Variants in PDE11A observed in about 807,000 individuals in gnomAD.
PDE11A encodes dual 3',5'-cyclic-AMP and -GMP phosphodiesterase 11A.
Under a neutral mutation model 100.5 loss-of-function variants are expected in PDE11A, and 100 were observed. The ratio of observed to expected loss-of-function variants is 1.00; its 90% CI spans 0.85 to 1.18. The LOEUF (loss-of-function observed/expected upper bound fraction) is 1.18. Ranked by LOEUF, PDE11A falls within the 50% of genes most tolerant of loss-of-function variation. The pLI is 0.00. For synonymous variants in PDE11A, 381 were observed against 420.8 expected, an observed-to-expected ratio of 0.91 and a Z score of 1.16; for missense variants, 1,141 against 1,152.6, an observed-to-expected ratio of 0.99 and a Z score of 0.15.
intron 13 of PDE11A, among the ~76,000 whole-genome samples, chr2:177,704,575 A>G (rs888111551): frequency 1.3e-4 from 20 of 152,270 alleles, no homozygotes; most frequent in African/African-American, 3.4e-4. Context: ...TAAGTGGCAA[A>G]AAAAATAAAT....
chr2:177,841,416 T>C (rs753044146), intron 5 of PDE11A, among the ~76,000 whole-genome samples: 3 of 152,238 alleles, frequency 2.0e-5, no homozygotes, highest in Non-Finnish European at 4.4e-5. Context: ...TTTCATGAGA[T>C]GTTAAATGAG....
At chr2:177,782,550 T>C (rs1282609463) in intron 9 of PDE11A, among the ~76,000 whole-genome samples, 1 of 152,212 alleles carries the variant, frequency 6.6e-6, no homozygotes, top group Non-Finnish European at 1.5e-5. Context: ...TTTCAAAATG[T>C]CTACATATTC....
At chr2:177,973,255 C>A (rs1195151580) in intron 2 of PDE11A, among the ~76,000 whole-genome samples, 1 of 131,334 alleles carries the variant, frequency 7.6e-6, no homozygotes, top group Non-Finnish European at 1.6e-5. Flanking sequence ...CGAAGCAGGG[C>A]GAGGCATTGC....
intron 14 of PDE11A, 154 bp downstream of exon 14, chr2:177,700,967 G>A (rs2081187887): frequency 1.4e-6 from 1 of 698,070 alleles, no homozygotes; most frequent in African/African-American, 1.8e-5. Flanking sequence ...GCATCTATAG[G>A]AACAGAAAAA....
At chr2:178,060,167 G>A (rs961484305) in intron 1 of PDE11A, among the ~76,000 whole-genome samples, 3 of 152,140 alleles carry the variant, frequency 2.0e-5, no homozygotes, top group Non-Finnish European at 4.4e-5. Flanking sequence ...TCCTCTCTTG[G>A]AGGAGAGCCA....
intron 2 of PDE11A, among the ~76,000 whole-genome samples, chr2:177,944,803 GCTCTCCCTCTCCCTCTCC>G (rs56670331): frequency 9.8e-6 from 1 of 101,774 alleles, no homozygotes; most frequent in African/African-American, 3.0e-5. Flanking sequence ...AGATGCGAGC[GCTCTCCCTCTCCCTCTCC>G]CTCTCCCTCT....
intron 19 of PDE11A, among the ~76,000 whole-genome samples, chr2:177,634,359 C>T (rs1210917122): frequency 6.6e-6 from 1 of 151,062 alleles, no homozygotes; most frequent in African/African-American, 2.4e-5. Flanking sequence ...TAACAAAACT[C>T]CTATCTTGAA....
chr2:177,849,624 TTTA>T (rs534415807), intron 5 of PDE11A, among the ~76,000 whole-genome samples: 6 of 151,402 alleles, frequency 4.0e-5, no homozygotes, highest in Non-Finnish European at 5.9e-5. Context: ...TATTTATTTA[TTTA>T]TTATTATTAT....
At chr2:177,884,587 G>A (rs1404303494) in intron 4 of PDE11A, among the ~76,000 whole-genome samples, 3 of 152,180 alleles carry the variant, frequency 2.0e-5, no homozygotes, top group East Asian at 3.8e-4. Context: ...CCAGAGAGGA[G>A]AACCGCAAGT....
intron 19 of PDE11A, among the ~76,000 whole-genome samples, chr2:177,637,917 A>C (rs917592318): frequency 5.9e-5 from 2 of 34,062 alleles, no homozygotes; most frequent in Non-Finnish European, 4.1e-4. Flanking sequence ...ATACATATAT[A>C]CACATACATA....
intron 1 of PDE11A, among the ~76,000 whole-genome samples, chr2:178,045,225 C>T (rs2086735118): frequency 6.6e-6 from 1 of 152,164 alleles, no homozygotes; most frequent in African/African-American, 2.4e-5. Flanking sequence ...GCAACTCAAA[C>T]TCTGCCTTGA....
intron 2 of PDE11A, among the ~76,000 whole-genome samples, chr2:177,982,537 T>C (rs2105804056): frequency 6.6e-6 from 1 of 150,660 alleles, no homozygotes; most frequent in South Asian, 2.2e-4. Flanking sequence ...TTTAGGGCTA[T>C]GTTGATTCAT....
At chr2:177,655,178 G>A (rs1228952373) in intron 19 of PDE11A, among the ~76,000 whole-genome samples, 1 of 152,056 alleles carries the variant, frequency 6.6e-6, no homozygotes, top group African/African-American at 2.4e-5. Flanking sequence ...TTTTAATATG[G>A]ATTCATGGCA....
At chr2:177,648,673 AT>A (rs1002554613) in intron 19 of PDE11A, among the ~76,000 whole-genome samples, 2 of 152,142 alleles carry the variant, frequency 1.3e-5, no homozygotes, top group African/African-American at 4.8e-5. Context: ...ATAAAGTGAT[AT>A]TAATTAAAAT....
chr2:177,710,770 C>A (rs1358025334), intron 13 of PDE11A, among the ~76,000 whole-genome samples: 1 of 152,060 alleles, frequency 6.6e-6, no homozygotes, highest in Non-Finnish European at 1.5e-5. Context: ...GTCCAAGACT[C>A]CTGAAGTCTT....
intron 19 of PDE11A, among the ~76,000 whole-genome samples, chr2:177,657,143 CTT>C (rs1197392734): frequency 6.6e-6 from 1 of 152,158 alleles, no homozygotes; most frequent in East Asian, 1.9e-4. Context: ...AAAACCAACA[CTT>C]TTGAATATTA....
chr2:177,683,329 A>G (rs894736059), intron 15 of PDE11A: 4 of 152,310 alleles, frequency 2.6e-5, no homozygotes, highest in African/African-American at 9.6e-5. Flanking sequence ...AATTACACAG[A>G]AGGGCCCAGG....
intron 9 of PDE11A, among the ~76,000 whole-genome samples, chr2:177,810,398 A>G (rs1235347502): frequency 6.6e-6 from 1 of 152,240 alleles, no homozygotes. Flanking sequence ...ACAGACTTAC[A>G]ATTAATGACA....
At chr2:177,943,972 G>A (rs2085374533) in intron 2 of PDE11A, among the ~76,000 whole-genome samples, 1 of 152,174 alleles carries the variant, frequency 6.6e-6, no homozygotes, top group Non-Finnish European at 1.5e-5. Context: ...ACAACTTATT[G>A]ATGGAGCCAC....
Sources: gnomAD v4.1 joint callset for allele counts (sites outside exome capture counted in the v4.1 genomes callset) on GRCh38, gnomAD v4.1.1 for gene constraint, MANE v1.5 for transcripts, NCBI Gene and HGNC (gene_info 2026-07-23, HGNC 2026-07-21) for gene names.